PTPRM: variants seen among roughly 807,000 people sequenced by gnomAD.
The protein encoded by PTPRM is protein tyrosine phosphatase receptor type M, also known as receptor-type tyrosine-protein phosphatase mu.
Under a neutral mutation model 186.7 loss-of-function variants are expected in PTPRM, and 47 were observed. The observed-to-expected ratio is 0.25, with a 90% CI of 0.20 to 0.32. The LOEUF (loss-of-function observed/expected upper bound fraction) is 0.32. PTPRM is among the 10% of genes least tolerant of loss of function. The pLI is 1.00. For synonymous variants in PTPRM, 668 were observed against 674.9 expected, an observed-to-expected ratio of 0.99 and a Z score of 0.16; for missense variants, 1,494 against 1,865.0, an observed-to-expected ratio of 0.80 and a Z score of 3.66.
At position 8,211,714 on chromosome 18, in the gene PTPRM, G is replaced by C. The variant is rs150396986; in HGVS notation, c.2301-32344G>C. Among the ~76,000 whole-genome samples the C allele has an allele frequency of 3.6e-3, 546 of 152,182 alleles. 1 individual carries two copies. The highest frequency in any genetic ancestry group is 0.012 in the African/African-American group (503 of 41,526). On this transcript the variant is annotated intron_variant, in intron 14 of 32. Coordinates refer to ENST00000580170, the MANE Select transcript of PTPRM (RefSeq NM_001105244.2). ...CACCGTGCCCAGCCAGGTCTCTTCT[G>C]ATTGACTCATTTTCCTCAATGAAAC...
In PTPRM at chr18:8,130,225, T is replaced by G. The variant is rs182674958; in HGVS notation, c.2168-13422T>G. Reference sequence around the variant, plus strand: ...GCTTAGCTACCCTATATTCTTGAAATAACCTCTCTCTGTCTGGGGAGGTTG... The same window carrying G: ...GCTTAGCTACCCTATATTCTTGAAAGAACCTCTCTCTGTCTGGGGAGGTTG... On this transcript the variant is annotated intron_variant, in intron 13 of 32. Coordinates refer to ENST00000580170, the MANE Select transcript of PTPRM (RefSeq NM_001105244.2). Among the ~76,000 whole-genome samples, 5 of 152,256 alleles carry G rather than the reference T, an allele frequency of 3.3e-5. No individual in the cohort carries two copies. The East Asian group carries it at 9.7e-4, about 29-fold the overall frequency.
intron 2 of PTPRM, among the ~76,000 whole-genome samples, chr18:7,841,588 C>T (rs1567900195): frequency 6.6e-6 from 1 of 152,190 alleles, no homozygotes; most frequent in South Asian, 2.1e-4. Context: ...GCCACCACGC[C>T]TGGCCCAAAT....
chr18:8,010,086 T>G (rs1224188847), intron 7 of PTPRM, among the ~76,000 whole-genome samples: 2 of 152,248 alleles, frequency 1.3e-5, no homozygotes, highest in Non-Finnish European at 2.9e-5. Flanking sequence ...GTAGAAAATC[T>G]TAGAATATCT....
At chr18:8,337,213 C>G (rs149422526) in intron 22 of PTPRM, among the ~76,000 whole-genome samples, 1 of 151,744 alleles carries the variant, frequency 6.6e-6, no homozygotes, top group African/African-American at 2.4e-5. Context: ...AGGTTTTTTT[C>G]AATTTTTTGA....
chr18:8,210,233 C>T lies in PTPRM; in HGVS notation c.2301-33825C>T, dbSNP rs138988581. ...GGCTGAGGCACGAGAATCTATTGAA[C>T]CCGGGAGGCGGAGTTTGCCATGAGC... On this transcript the variant is annotated intron_variant, in intron 14 of 32. Transcript: ENST00000580170. 1.6e-3 allele frequency among the ~76,000 whole-genome samples: 250 copies of T among 152,162 alleles called. 2 individuals are homozygous for T. The highest frequency in any genetic ancestry group is 5.6e-3 in the African/African-American group (233 of 41,532).
At chr18:8,076,317 G>A in intron 8 of PTPRM, 138 bp from the exon 9 acceptor site, 1 of 598,638 alleles carries the variant, frequency 1.7e-6, no homozygotes, top group South Asian at 2.2e-5. Flanking sequence ...TAAGATTCCA[G>A]ATTTTTAAAG....
intron 22 of PTPRM, among the ~76,000 whole-genome samples, chr18:8,336,739 G>A (rs2095442049): frequency 6.6e-6 from 1 of 151,912 alleles, no homozygotes; most frequent in African/African-American, 2.4e-5. Context: ...CAGCACTTTG[G>A]GAGGCTGAGG....
rs369173563 is a variant in PTPRM, at chr18:7,967,075, A to C, written c.1132+11661A>C. On this transcript the variant is annotated intron_variant, in intron 7 of 32. Coordinates refer to ENST00000580170, the MANE Select transcript of PTPRM (RefSeq NM_001105244.2). ...GTCCCTGTCTGACAGCTTTGAAGAG[A>C]GCAGTGGTTCTCCCAGCACGCAGCT... Among the ~76,000 whole-genome samples, 198 of 58,328 alleles carry C rather than the reference A, an allele frequency of 3.4e-3. 16 individuals carry two copies. In the South Asian group the frequency reaches 0.11, roughly 33 times the overall value. 38.3% of individuals were successfully genotyped at this position (58,328 alleles called of 152,430 possible). A position where few individuals can be genotyped will look rare whatever the true frequency, so the allele number is the denominator to read the frequency against.
chr18:7,753,362 T>G (rs965300156), intron 1 of PTPRM, among the ~76,000 whole-genome samples: 1 of 152,128 alleles, frequency 6.6e-6, no homozygotes, highest in African/African-American at 2.4e-5. Flanking sequence ...ATTTTCTACA[T>G]TTTAAGAGGA....
chr18:7,842,945 TATAGAGAGAGAG>T (rs2046418002), intron 2 of PTPRM, among the ~76,000 whole-genome samples: 1 of 115,112 alleles, frequency 8.7e-6, no homozygotes, highest in Non-Finnish European at 1.7e-5. Context: ...TATATATATA[TATAGAGAGAGAG>T]AGAGAGAGAG....
At chr18:7,709,686 G>A (rs1054623871) in intron 1 of PTPRM, among the ~76,000 whole-genome samples, 12 of 151,970 alleles carry the variant, frequency 7.9e-5, no homozygotes, top group Admixed American at 7.2e-4. Flanking sequence ...AGAAGATGAT[G>A]CAAATAAGCT....
At position 7,821,255 on chromosome 18, in the gene PTPRM, G is replaced by A. The variant is rs76627960; in HGVS notation, c.196+46984G>A. On this transcript the variant is annotated intron_variant, in intron 2 of 32. Coordinates refer to ENST00000580170, the MANE Select transcript of PTPRM (RefSeq NM_001105244.2). ...TTTGAGTTAAACAACACCTTATTGG[G>A]TAGTATGTGAACAGTCTCATCCAAG... Among the ~76,000 whole-genome samples the A allele has an allele frequency of 7.7e-3, 1,178 of 152,194 alleles. 23 individuals carry two copies. The highest frequency in any genetic ancestry group is 0.069 in the East Asian group (354 of 5,162).
intron 14 of PTPRM, among the ~76,000 whole-genome samples, chr18:8,182,007 G>C (rs992521801): frequency 2.6e-5 from 4 of 152,118 alleles, no homozygotes; most frequent in Admixed American, 2.0e-4. Context: ...TTAGGAGCTA[G>C]CTGCCTTTGA....
chr18:8,008,789 T>C (rs1411940613), intron 7 of PTPRM, among the ~76,000 whole-genome samples: 4 of 152,180 alleles, frequency 2.6e-5, no homozygotes, highest in Non-Finnish European at 2.9e-5. Context: ...CTGACCTCGC[T>C]CCCTCCAGAC....
intron 9 of PTPRM, among the ~76,000 whole-genome samples, chr18:8,080,151 A>C (rs972794001): frequency 3.2e-5 from 4 of 123,936 alleles, no homozygotes; most frequent in African/African-American, 1.3e-4. Flanking sequence ...TGATGGGAAC[A>C]CACATTTTGC....
intron 14 of PTPRM, among the ~76,000 whole-genome samples, chr18:8,155,610 G>A (rs1381389085): frequency 6.6e-6 from 1 of 152,160 alleles, no homozygotes; most frequent in Non-Finnish European, 1.5e-5. Context: ...TTTAAACAAT[G>A]CTAGCACTAC....
intron 7 of PTPRM, among the ~76,000 whole-genome samples, chr18:7,996,541 G>T (rs2083548522): frequency 6.6e-6 from 1 of 152,018 alleles, no homozygotes; most frequent in Admixed American, 6.6e-5. Flanking sequence ...CATGGCCAGA[G>T]AAATCAAGCT....
chr18:8,198,781 C>G (rs2093813988), intron 14 of PTPRM, among the ~76,000 whole-genome samples: 1 of 152,078 alleles, frequency 6.6e-6, no homozygotes, highest in African/African-American at 2.4e-5. Flanking sequence ...GACATATTGC[C>G]CAGTTAGATG....
intron 14 of PTPRM, among the ~76,000 whole-genome samples, chr18:8,207,589 T>G (rs544643038): frequency 6.6e-6 from 1 of 152,290 alleles, no homozygotes; most frequent in East Asian, 1.9e-4. Flanking sequence ...CAAATGTCAT[T>G]TAAAATAAAA....
Sources: allele counts gnomAD v4.1 joint callset (sites outside exome capture counted in the v4.1 genomes callset), GRCh38; gene constraint gnomAD v4.1.1; transcripts MANE v1.5; gene names NCBI Gene and HGNC (gene_info 2026-07-23, HGNC 2026-07-21).